MRPL21: variants seen among roughly 807,000 people sequenced by gnomAD.
The protein encoded by MRPL21 is large ribosomal subunit protein bL21m.
A neutral mutation model predicts 27.3 loss-of-function variants in MRPL21; 20 were observed. The observed-to-expected ratio is 0.73, with a 90% CI of 0.52 to 1.06. MRPL21 has a LOEUF of 1.06. Ranked by LOEUF, MRPL21 falls within the 50% of genes least tolerant of loss-of-function variation. The probability of loss-of-function intolerance (pLI) is 0.00; values close to 1 mark genes in which losing one functional copy is unlikely to be tolerated. For missense variants in MRPL21, 249 were observed against 251.4 expected, an observed-to-expected ratio of 0.99 and a Z score of 0.06; for synonymous variants, 98 against 101.5, an observed-to-expected ratio of 0.97 and a Z score of 0.21.
intron 5 of MRPL21, 37 bp from the exon 6 acceptor site, chr11:68,893,030 G>A (rs1857692065): frequency 2.0e-6 from 3 of 1,505,238 alleles, no homozygotes; most frequent in African/African-American, 1.4e-5. Flanking sequence ...TGTACCTTTT[G>A]GATTATTTTT....
chr11:68,898,127 G>A (rs1036660147), intron 2 of MRPL21, 115 bp from the exon 3 acceptor site: 12 of 851,716 alleles, frequency 1.4e-5, no homozygotes, highest in African/African-American at 1.2e-4. Context: ...CAAAAGGCTC[G>A]CTCTTTCGGA....
At chr11:68,903,656 C>T in intron 1 of MRPL21, 67 bp downstream of exon 1, 1 of 1,536,976 alleles carries the variant, frequency 6.5e-7, no homozygotes, top group Non-Finnish European at 9.0e-7. Flanking sequence ...CAGGCACATA[C>T]GTGGCGAGAC....
Position 68,893,385 on chromosome 11 carries a change from G to A in MRPL21, c.449+18C>T. On this transcript the variant is annotated intron_variant, in intron 5 of 6. Coordinates refer to ENST00000362034, the MANE Select transcript of MRPL21 (RefSeq NM_181514.2). ...GCCCTGGAGCCCCAGACAAAGCCCA[G>A]CACTTCACAGCCATTACCCGAGGAG... 2.5e-6 allele frequency: 4 copies of A among 1,614,182 alleles called. No homozygotes were observed. The highest frequency in any genetic ancestry group is 3.4e-6 in the Non-Finnish European group (4 of 1,180,010).
intron 2 of MRPL21, among the ~76,000 whole-genome samples, chr11:68,899,991 G>C (rs543135267): frequency 6.6e-6 from 1 of 152,218 alleles, no homozygotes; most frequent in Admixed American, 6.5e-5. Flanking sequence ...TGCACCCCGG[G>C]GGGGTCCCTA....
At chr11:68,892,689 G>C (rs1594402291) in intron 6 of MRPL21, 2 of 1,514,638 alleles carry the variant, frequency 1.3e-6, no homozygotes, top group African/African-American at 1.4e-5. Flanking sequence ...GTCACGCGTG[G>C]AGCGTGGAGG....
intron 4 of MRPL21, among the ~76,000 whole-genome samples, chr11:68,895,927 C>T (rs1857775158): frequency 6.6e-6 from 1 of 152,178 alleles, no homozygotes; most frequent in Non-Finnish European, 1.5e-5. Context: ...CAATCCCCCA[C>T]CTTGGCCTCC....
At chr11:68,892,010 A>T in intron 6 of MRPL21, 1 of 1,051,046 alleles carries the variant, frequency 9.5e-7, no homozygotes, top group Non-Finnish European at 1.3e-6. Flanking sequence ...CTTTGGGGAC[A>T]GTGCTAGGCG....
intron 1 of MRPL21, among the ~76,000 whole-genome samples, 189 bp downstream of exon 1, chr11:68,903,534 A>G (rs934267229): frequency 6.6e-6 from 1 of 152,210 alleles, no homozygotes; most frequent in Non-Finnish European, 1.5e-5. Flanking sequence ...TATTGTCAGT[A>G]TTCAGGCTAC....
chr11:68,897,681 G>A, intron 3 of MRPL21: 1 of 553,770 alleles, frequency 1.8e-6, no homozygotes, highest in Non-Finnish European at 3.2e-6. Flanking sequence ...GATGGAGCAG[G>A]GGCCCCCTGC....
In MRPL21 at chr11:68,900,484, CT is replaced by C. The variant is rs554828652; in HGVS notation, c.146+63del. The stretch of plus-strand genomic sequence containing the variant: ...AGAACCAAAAGGTAGGAAGTTTTGA[CT>C]TTAGAAAGATGGTTCTACAAATGAA... On this transcript the variant is annotated intron_variant, in intron 2 of 6. Coordinates refer to ENST00000362034, the MANE Select transcript of MRPL21 (RefSeq NM_181514.2). The C allele has an allele frequency of 2.5e-3, 3,655 of 1,452,502 alleles. 6 individuals are homozygous for C. Among genetic ancestry groups the C allele is most frequent in the Non-Finnish European group, 3.1e-3 (3,245 of 1,042,606 alleles). The allele number at this position is 1,452,502 out of a possible 1,614,324, so 90.0% of individuals were successfully genotyped here.
chr11:68,900,517 A>C (rs1288319684), intron 2 of MRPL21, 31 bp downstream of exon 2: 1 of 1,597,300 alleles, frequency 6.3e-7, no homozygotes, highest in Non-Finnish European at 8.6e-7. Context: ...TGAAAGGAAA[A>C]GAGGCACCAA....
At position 68,896,688 on chromosome 11, in the gene MRPL21, A is replaced by G. The variant is rs755395974; in HGVS notation, c.233-10T>C. ...ACCTTCTTCACGACCTCTGCAGGGG[A>G]AGGCGGGTGGGTGGGCAGTCACCCT... On this transcript the variant is annotated splice_polypyrimidine_tract_variant and intron_variant, in intron 3 of 6. Transcript: ENST00000362034. The G allele has an allele frequency of 3.7e-6, 6 of 1,612,894 alleles. No individual in the cohort carries two copies. The highest frequency in any genetic ancestry group is 5.1e-6 in the Non-Finnish European group (6 of 1,179,662).
chr11:68,892,640 T>A, intron 6 of MRPL21: 1 of 1,414,280 alleles, frequency 7.1e-7, no homozygotes, highest in Non-Finnish European at 9.2e-7. Context: ...CGAGGTGGGG[T>A]CACGTGCGGA....
At chr11:68,901,392 CATACACCAGGA>C (rs1436765238) in intron 1 of MRPL21, among the ~76,000 whole-genome samples, 49 of 152,154 alleles carry the variant, frequency 3.2e-4, no homozygotes, top group Admixed American at 3.1e-3. Flanking sequence ...GTAGATAACG[CATACACCAGGA>C]ATACACCAGG....
Position 68,900,560 on chromosome 11 carries a change from G to A in MRPL21, c.134C>T (p.Ser45Leu), listed in dbSNP as rs756815802. 6.2e-7 allele frequency: 1 copy of A among 1,613,950 alleles called. No individual in the cohort carries two copies. The highest frequency in any genetic ancestry group is 8.5e-7 in the Non-Finnish European group (1 of 1,179,804). The change falls in exon 2 of 7, where the codon TCA (serine) becomes TTA (leucine). Residue 45 changes from serine to leucine, a missense_variant. Coordinates refer to ENST00000362034, the MANE Select transcript of MRPL21 (RefSeq NM_181514.2). ...ATTTTGATATTACCCTGGTAGATATGAAGTGCTCTGTGAATTGAACCTTCG... is the reference window on the plus strand; with the variant it reads ...ATTTTGATATTACCCTGGTAGATATAAAGTGCTCTGTGAATTGAACCTTCG... ...ASRRFNSQST[S>L]YLPGYVPKTS...
intron 3 of MRPL21, 32 bp downstream of exon 3, chr11:68,897,895 C>T (rs1255149416): frequency 1.3e-6 from 2 of 1,557,792 alleles, no homozygotes; most frequent in Non-Finnish European, 1.8e-6. Context: ...TAGGTGGTGC[C>T]CTCTAGCTTC....
At chr11:68,891,990 T>C in intron 6 of MRPL21, 1 of 931,008 alleles carries the variant, frequency 1.1e-6, no homozygotes. Flanking sequence ...TGCTTGCGGA[T>C]TCACTGCTGC....
At chr11:68,899,113 T>G (rs1331317898) in intron 2 of MRPL21, among the ~76,000 whole-genome samples, 1 of 151,450 alleles carries the variant, frequency 6.6e-6, no homozygotes, top group Non-Finnish European at 1.5e-5. Flanking sequence ...TTCCTAACTC[T>G]CCCCTGCCTG....
At chr11:68,900,659 T>G (rs1566418313) in intron 1 of MRPL21, 54 bp from the exon 2 acceptor site, 8 of 1,449,970 alleles carry the variant, frequency 5.5e-6, no homozygotes. Flanking sequence ...AAATGCAAAC[T>G]GCCCTTTATG....
Sources: allele counts gnomAD v4.1 joint callset (sites outside exome capture counted in the v4.1 genomes callset), GRCh38; gene constraint gnomAD v4.1.1; transcripts MANE v1.5; gene names NCBI Gene and HGNC (gene_info 2026-07-23, HGNC 2026-07-21).